MMUT: variants seen among roughly 807,000 people sequenced by gnomAD.
The protein encoded by MMUT is methylmalonyl-CoA mutase, mitochondrial.
MMUT carries 79 observed loss-of-function variants against 79.9 expected under a neutral mutation model. The ratio of observed to expected loss-of-function variants is 0.99; its 90% CI spans 0.82 to 1.19. The LOEUF (loss-of-function observed/expected upper bound fraction) is 1.19, where lower values mean the gene tolerates loss of function less well. MMUT is among the 50% of genes most tolerant of loss of function. The pLI is 0.00. For missense variants in MMUT, 860 were observed against 917.2 expected, an observed-to-expected ratio of 0.94 and a Z score of 0.81; for synonymous variants, 273 against 295.7, an observed-to-expected ratio of 0.92 and a Z score of 0.79.
Position 49,451,706 on chromosome 6 carries a change from G to A in MMUT, c.1092C>T (p.Tyr364=), listed in dbSNP as rs761129296. The A allele has an allele frequency of 5.0e-6, 8 of 1,613,702 alleles. No homozygotes were observed. The highest frequency in any genetic ancestry group is 4.4e-5 in the South Asian group (4 of 91,064). ...CTATTGCAGTACGGACAATATTATT[G>A]TAGGGATCCTAAAATATTTGATAAA... ...SGWSLTEQDP[Y]NNIVRTAIEA... Residue 364 remains tyrosine (Y), a synonymous_variant, in exon 6 of 13, where the codon TAC becomes TAT. Coordinates refer to ENST00000274813, the MANE Select transcript of MMUT (RefSeq NM_000255.4).
chr6:49,444,879 G>A (rs1767373770), intron 8 of MMUT, 125 bp from the exon 9 acceptor site: 75 of 617,958 alleles, frequency 1.2e-4, no homozygotes, highest in South Asian at 4.9e-4. Flanking sequence ...AAATTTAAGA[G>A]GAAAAAATTG....
At chr6:49,444,843 G>A (rs1389836750) in intron 8 of MMUT, 89 bp from the exon 9 acceptor site, 20 of 964,632 alleles carry the variant, frequency 2.1e-5, no homozygotes, top group Non-Finnish European at 2.6e-5. Flanking sequence ...ATAGCATATG[G>A]CATTTTTTTC....
Position 49,459,155 on chromosome 6 carries a change from G to C in MMUT, c.312C>G (p.Pro104=). 1 of 1,614,142 alleles carries C rather than the reference G, an allele frequency of 6.2e-7. No individual in the cohort carries two copies. The highest frequency in any genetic ancestry group is 8.5e-7 in the Non-Finnish European group (1 of 1,180,006). ...GPYPTMYTFR[P]WTIRQYAGFS... The stretch of plus-strand genomic sequence containing the variant: ...AACCAGCATACTGGCGGATGGTCCA[G>C]GGCCTAAAGGTATACATGGTAGGAT... The change falls in exon 2 of 13, where the codon CCC becomes CCG. Residue 104 remains proline (P), a synonymous_variant. Transcript: ENST00000274813.
At chr6:49,444,351 A>C (rs958356312) in intron 9 of MMUT, among the ~76,000 whole-genome samples, 2 of 152,150 alleles carry the variant, frequency 1.3e-5, no homozygotes, top group African/African-American at 4.8e-5. Flanking sequence ...GATATACTTG[A>C]GAGTCCAACA....
At chr6:49,456,291 T>C (rs1270371140) in intron 3 of MMUT, 54 bp from the exon 4 acceptor site, 5 of 1,221,370 alleles carry the variant, frequency 4.1e-6, no homozygotes, top group African/African-American at 3.0e-5. Context: ...TAAAAGGTCC[T>C]ATTAAATCCA....
Position 49,448,866 on chromosome 6 carries a change from T to C in MMUT, c.1394A>G (p.Lys465Arg). 6.2e-7 allele frequency: 1 copy of C among 1,613,690 alleles called. No homozygotes were observed. The highest frequency in any genetic ancestry group is 8.5e-7 in the Non-Finnish European group (1 of 1,179,714). Residue 465 changes from lysine to arginine, a missense_variant, in exon 7 of 13, where the codon AAA (lysine) becomes AGA (arginine). Lys to Arg is a conservative substitution (Grantham distance 26, BLOSUM62 2). Transcript: ENST00000274813. ...MAKAVAEGIP[K>R]LRIEECAARR... Reference sequence around the variant, plus strand: ...GGCAGCACATTCTTCAATTCGAAGTTTAGGTATTCCCTCAGCTACAGCTTT... The same window carrying C: ...GGCAGCACATTCTTCAATTCGAAGTCTAGGTATTCCCTCAGCTACAGCTTT...
intron 3 of MMUT, 27 bp downstream of exon 3, chr6:49,457,664 A>T (rs766368504): frequency 1.3e-6 from 2 of 1,585,994 alleles, no homozygotes; most frequent in Non-Finnish European, 1.7e-6. Flanking sequence ...GAACTATAGA[A>T]AAACCTATAA....
In MMUT at chr6:49,440,256, T is replaced by C. The variant is rs569669261; in HGVS notation, c.1906A>G (p.Thr636Ala). 8.2e-5 allele frequency: 133 copies of C among 1,614,132 alleles called. 1 individual carries two copies. In the South Asian group the frequency reaches 1.4e-3, roughly 17 times the overall value. ...GHDRGAKVIA[T>A]GFADLGFDVD... ...TCAAAACCAAGATCAGCAAATCCTG[T>C]AGCAATAACTTTTGCTCCTCTGTCA... Residue 636 changes from threonine to alanine, a missense_variant, in exon 11 of 13, where the codon ACA (threonine) becomes GCA (alanine). Physicochemically the swap from Thr to Ala is moderately conservative, Grantham distance 58. Coordinates refer to ENST00000274813, the MANE Select transcript of MMUT (RefSeq NM_000255.4).
chr6:49,435,993 C>T (rs1767114667), intron 11 of MMUT, among the ~76,000 whole-genome samples: 1 of 152,220 alleles, frequency 6.6e-6, no homozygotes, highest in Non-Finnish European at 1.5e-5. Flanking sequence ...CCAAAAAAGA[C>T]ATACATGTGG....
chr6:49,435,558 G>A lies in MMUT; in HGVS notation c.2022C>T (p.Leu674=), dbSNP rs772652266. ...ADVHAVGIST[L]AAGHKTLVPE... is the part of the protein sequence containing the mutation. ...GAACTAGGGTTTTATGACCAGCAGC[G>A]AGGGTGCTTATGCCCACAGCATGCA... Residue 674 remains leucine, a synonymous_variant, in exon 12 of 13, where the codon CTC becomes CTT. Transcript: ENST00000274813. The A allele has an allele frequency of 3.6e-5, 58 of 1,613,930 alleles. No individual in the cohort carries two copies. Among genetic ancestry groups the A allele is most frequent in the African/African-American group, 2.7e-4 (20 of 74,922 alleles).
chr6:49,448,073 C>T (rs548706489), intron 7 of MMUT, among the ~76,000 whole-genome samples: 31 of 152,044 alleles, frequency 2.0e-4, no homozygotes, highest in Non-Finnish European at 3.2e-4. Context: ...AAATAACAAT[C>T]AGAGCAGCTG....
At chr6:49,442,229 T>A (rs928761281) in intron 9 of MMUT, among the ~76,000 whole-genome samples, 1 of 152,082 alleles carries the variant, frequency 6.6e-6, no homozygotes, top group African/African-American at 2.4e-5. Context: ...CTAATAATTA[T>A]ATATATAGAC....
At chr6:49,450,224 T>C (rs2127417533) in intron 6 of MMUT, among the ~76,000 whole-genome samples, 1 of 146,316 alleles carries the variant, frequency 6.8e-6, no homozygotes, top group South Asian at 2.2e-4. Flanking sequence ...AGTAAGACTC[T>C]GTCTTAAAAA....
At chr6:49,433,775 G>T (rs932200114) in intron 12 of MMUT, among the ~76,000 whole-genome samples, 1 of 152,110 alleles carries the variant, frequency 6.6e-6, no homozygotes, top group African/African-American at 2.4e-5. Context: ...TTAAAACTAA[G>T]TGACCTTTAA....
chr6:49,443,847 T>C (rs1246474600), intron 9 of MMUT: 1 of 414,642 alleles, frequency 2.4e-6, no homozygotes, highest in Non-Finnish European at 4.8e-6. Context: ...GATTCTGTTT[T>C]TCACTCAGCC....
At chr6:49,450,298 TGA>T (rs1767519899) in intron 6 of MMUT, among the ~76,000 whole-genome samples, 1 of 149,998 alleles carries the variant, frequency 6.7e-6, no homozygotes, top group Non-Finnish European at 1.5e-5. Flanking sequence ...CCGTAGCTTA[TGA>T]CTAGGAGTTC....
chr6:49,443,501 T>C (rs539088899), intron 9 of MMUT, among the ~76,000 whole-genome samples: 3 of 152,142 alleles, frequency 2.0e-5, no homozygotes, highest in South Asian at 4.2e-4. Context: ...CAAACTGTCA[T>C]TAGGTTCTGA....
intron 12 of MMUT, among the ~76,000 whole-genome samples, chr6:49,434,049 A>AT (rs985516234): frequency 1.8e-4 from 27 of 149,988 alleles, no homozygotes; most frequent in East Asian, 9.7e-4. Flanking sequence ...TATAACAGGC[A>AT]TTTTTTTTTT....
chr6:49,435,908 C>T (rs191334703), intron 11 of MMUT, among the ~76,000 whole-genome samples: 1 of 152,176 alleles, frequency 6.6e-6, no homozygotes, highest in Non-Finnish European at 1.5e-5. Flanking sequence ...GGTCTAATAC[C>T]TGCATCTATA....
Sources: gnomAD v4.1 joint callset for allele counts (sites outside exome capture counted in the v4.1 genomes callset) on GRCh38, gnomAD v4.1.1 for gene constraint, MANE v1.5 for transcripts, NCBI Gene and HGNC (gene_info 2026-07-23, HGNC 2026-07-21) for gene names.